The following CELF1 variants were observed in gnomAD, a reference collection of about 807,000 sequenced individuals.
The protein encoded by CELF1 is CUGBP Elav-like family member 1, also known as 50 kDa nuclear polyadenylated RNA-binding protein.
A neutral mutation model predicts 61.8 loss-of-function variants in CELF1; 10 were observed. The ratio of observed to expected loss-of-function variants is 0.16; its 90% CI spans 0.10 to 0.27. The LOEUF (loss-of-function observed/expected upper bound fraction) is 0.27, where lower values mean the gene tolerates loss of function less well. Ranked by LOEUF, CELF1 falls within the 10% of genes least tolerant of loss-of-function variation. CELF1 has a pLI of 1.00. For synonymous variants in CELF1, 236 were observed against 225.1 expected, an observed-to-expected ratio of 1.05 and a Z score of -0.43; for missense variants, 380 against 639.1, an observed-to-expected ratio of 0.59 and a Z score of 4.37.
intron 1 of CELF1, among the ~76,000 whole-genome samples, chr11:47,511,846 G>A (rs1285731080): frequency 1.3e-5 from 2 of 151,792 alleles, no homozygotes; most frequent in African/African-American, 2.4e-5. Flanking sequence ...GGGCCATAAA[G>A]TTGAGTCTGA....
upstream of CELF1, chr11:47,553,247 G>A: frequency 2.6e-6 from 1 of 381,988 alleles, no homozygotes. Context: ...CGATGCGAGC[G>A]GAGCGCGGCG....
At chr11:47,541,687 A>T (rs75975651) in intron 1 of CELF1, among the ~76,000 whole-genome samples, 55 of 266 alleles carry the variant, frequency 0.21, 4 homozygotes, top group Admixed American at 0.38. Flanking sequence ...CGAGACTGTC[A>T]AAGAAAGAAA....
Position 47,469,636 on chromosome 11 carries a change from T to TA in CELF1, c.*2593dup, listed in dbSNP as rs2077253478. 4 of 152,464 alleles carry TA rather than the reference T, an allele frequency of 2.6e-5. No homozygotes were observed. In the South Asian group the frequency reaches 8.3e-4, roughly 32 times the overall value. The allele number at this position is 152,464 out of a possible 1,614,324, so 9.4% of individuals were successfully genotyped here. ...CTCAAGGGCAGTGCTACTGCTGTGC[T>TA]AACTCACTGGGCAGGGGGAGGAGAG... On this transcript the variant is annotated 3_prime_UTR_variant, in exon 15 of 15. Coordinates refer to ENST00000687097, the MANE Select transcript of CELF1 (RefSeq NM_001376376.1).
rs71042680 is a variant in CELF1 at position 47,541,686 on chromosome 11, C to CTCAAA, written c.-154+11305_-154+11306insTTTGA. On this transcript the variant is annotated intron_variant, in intron 1 of 14. Coordinates refer to ENST00000687097, the MANE Select transcript of CELF1 (RefSeq NM_001376376.1). Reference sequence around the variant, plus strand: ...GAGCCTGGTGACAGGGCGAGACTGTCAAAGAAAGAAAGAAAGAAAGAAAGA... The same window carrying CTCAAA: ...GAGCCTGGTGACAGGGCGAGACTGTCTCAAAAAAGAAAGAAAGAAAGAAAGAAAGA... Among the ~76,000 whole-genome samples the CTCAAA allele has an allele frequency of 4.6e-3, 54 of 11,688 alleles. 18 individuals are homozygous for CTCAAA. The East Asian group carries it at 0.051, about 11-fold the overall frequency. The allele number at this position is 11,688 out of a possible 152,430, so 7.7% of individuals were successfully genotyped here.
At chr11:47,539,892 A>C (rs1454987301) in intron 1 of CELF1, among the ~76,000 whole-genome samples, 1 of 152,154 alleles carries the variant, frequency 6.6e-6, no homozygotes, top group Admixed American at 6.5e-5. Flanking sequence ...TACGAGCCTG[A>C]ACTTGGCTGC....
intron 5 of CELF1, 124 bp downstream of exon 5, chr11:47,487,035 T>C (rs911293196): frequency 1.2e-6 from 1 of 809,520 alleles, no homozygotes; most frequent in Non-Finnish European, 2.0e-6. Context: ...TGTCTTCCTT[T>C]ACATCAATTC....
At chr11:47,548,390 T>G (rs1288784203) in intron 1 of CELF1, among the ~76,000 whole-genome samples, 1 of 152,130 alleles carries the variant, frequency 6.6e-6, no homozygotes, top group African/African-American at 2.4e-5. Flanking sequence ...GATATTGGAT[T>G]TGACAATGAT....
intron 9 of CELF1, among the ~76,000 whole-genome samples, chr11:47,480,085 T>C (rs2082131928): frequency 6.7e-6 from 1 of 150,096 alleles, no homozygotes; most frequent in Non-Finnish European, 1.5e-5. Flanking sequence ...CACCCACGTC[T>C]ACACTTTTTT....
intron 11 of CELF1, 113 bp downstream of exon 11, chr11:47,477,184 T>C: frequency 8.1e-7 from 1 of 1,232,438 alleles, no homozygotes; most frequent in Non-Finnish European, 1.2e-6. Flanking sequence ...TTGCTCATAA[T>C]CTGACCTCTC....
At chr11:47,550,318 G>A (rs1435326992) in intron 1 of CELF1, among the ~76,000 whole-genome samples, 1 of 151,880 alleles carries the variant, frequency 6.6e-6, no homozygotes. Context: ...ATCACCTGAG[G>A]TCAGGAGTTC....
rs371128702 is a variant in CELF1 at position 47,535,405 on chromosome 11, G to A, written c.-154+17587C>T. Among the ~76,000 whole-genome samples the A allele has an allele frequency of 7.2e-5, 11 of 152,184 alleles. No individual in the cohort carries two copies. The East Asian group carries it at 1.7e-3, about 24-fold the overall frequency. On this transcript the variant is annotated intron_variant, in intron 1 of 14. Transcript: ENST00000687097. ...AAACATATTATGTCTTGGGCTGGGC[G>A]AGATGGCTCACACCTGTAATCCCAG...
intron 6 of CELF1, among the ~76,000 whole-genome samples, chr11:47,484,737 GGCGCGAT>G (rs1467410281): frequency 6.6e-6 from 1 of 152,184 alleles, no homozygotes; most frequent in Admixed American, 6.5e-5. Flanking sequence ...GGAGTGTAAT[GGCGCGAT>G]CTCGGCTCAC....
chr11:47,559,485 G>A (rs2097219216), intron 2 of CELF1, among the ~76,000 whole-genome samples: 1 of 151,802 alleles, frequency 6.6e-6, no homozygotes. Context: ...AGCCTCCCAA[G>A]TAGCTGGGAC....
chr11:47,510,967 A>G lies in CELF1; in HGVS notation c.-153-10035T>C, dbSNP rs372042282. 6.6e-4 allele frequency among the ~76,000 whole-genome samples: 100 copies of G among 152,156 alleles called. 1 individual carries two copies. Among genetic ancestry groups the G allele is most frequent in the African/African-American group, 2.4e-3 (98 of 41,492 alleles). On this transcript the variant is annotated intron_variant, in intron 1 of 14. Coordinates refer to ENST00000687097, the MANE Select transcript of CELF1 (RefSeq NM_001376376.1). ...GAAGCTCAAGTGAGAGGACTGCATGAGCCCACAAGTTTGAGACCAGCCTGG... is the reference window on the plus strand; with the variant it reads ...GAAGCTCAAGTGAGAGGACTGCATGGGCCCACAAGTTTGAGACCAGCCTGG...
intron 1 of CELF1, among the ~76,000 whole-genome samples, chr11:47,509,720 G>A (rs761919273): frequency 4.0e-5 from 6 of 151,882 alleles, no homozygotes; most frequent in Admixed American, 3.3e-4. Context: ...AGGAAACACC[G>A]TCTCTACTAA....
intron 1 of CELF1, among the ~76,000 whole-genome samples, chr11:47,549,430 T>A (rs181513552): frequency 6.6e-6 from 1 of 152,286 alleles, no homozygotes; most frequent in Non-Finnish European, 1.5e-5. Context: ...CAAAAGTCCA[T>A]TAGTGGATGC....
chr11:47,532,095 A>G (rs1311097828), intron 1 of CELF1, among the ~76,000 whole-genome samples: 1 of 151,958 alleles, frequency 6.6e-6, no homozygotes, highest in South Asian at 2.1e-4. Flanking sequence ...CAGTGGCGCA[A>G]TCTCAACTCA....
chr11:47,532,031 T>C (rs1598139426), intron 1 of CELF1, among the ~76,000 whole-genome samples: 1 of 151,772 alleles, frequency 6.6e-6, no homozygotes, highest in Non-Finnish European at 1.5e-5. Flanking sequence ...CTGCTCTTAT[T>C]TTTATTTTTT....
At chr11:47,534,438 T>C (rs1276982436) in intron 1 of CELF1, among the ~76,000 whole-genome samples, 1 of 150,746 alleles carries the variant, frequency 6.6e-6, no homozygotes, top group Non-Finnish European at 1.5e-5. Flanking sequence ...ATTATAAAAA[T>C]AAAGCTGGCC....
Sources: allele counts gnomAD v4.1 joint callset (sites outside exome capture counted in the v4.1 genomes callset), GRCh38; gene constraint gnomAD v4.1.1; transcripts MANE v1.5; gene names NCBI Gene and HGNC (gene_info 2026-07-23, HGNC 2026-07-21).